The following ELP3 variants were observed in gnomAD, a reference collection of about 807,000 sequenced individuals.
The protein encoded by ELP3 is elongator acetyltransferase complex subunit 3, also known as elongator complex protein 3.
ELP3 carries 56 observed loss-of-function variants against 74.9 expected under a neutral mutation model. The ratio of observed to expected loss-of-function variants is 0.75; its 90% CI spans 0.60 to 0.93. ELP3 has a LOEUF of 0.93. Ranked by LOEUF, ELP3 falls within the 40% of genes least tolerant of loss-of-function variation. The pLI, the probability that ELP3 is intolerant of heterozygous loss-of-function variation, is 0.00. For missense variants in ELP3, 573 were observed against 686.5 expected (o/e 0.83, Z 1.85); for synonymous variants, 222 against 239.8 (o/e 0.93, Z 0.68).
At chr8:28,129,279 C>T (rs1467597857) in intron 7 of ELP3, 2 of 525,592 alleles carry the variant, frequency 3.8e-6, no homozygotes, top group Non-Finnish European at 6.9e-6. Flanking sequence ...GTGTATTATC[C>T]TCATTTTGCA....
At chr8:28,113,281 A>C in intron 7 of ELP3, 108 bp downstream of exon 7, 8 of 747,706 alleles carry the variant, frequency 1.1e-5, no homozygotes, top group Non-Finnish European at 1.6e-5. Flanking sequence ...CTTACTTCTC[A>C]TAATCTTTCT....
intron 7 of ELP3, among the ~76,000 whole-genome samples, chr8:28,117,771 G>A (rs986831449): frequency 1.3e-5 from 2 of 152,004 alleles, no homozygotes; most frequent in African/African-American, 4.8e-5. Context: ...TTGTTGCTTT[G>A]TTAAGGTAAA....
Position 28,170,548 on chromosome 8 carries a change from C to T in ELP3, c.1567+8470C>T, listed in dbSNP as rs535673939. On this transcript the variant is annotated intron_variant, in intron 14 of 14. Transcript: ENST00000256398. ...TATTTTATACCTGATGCTTTAGGTG[C>T]GCGTGCTGGCCATTTATCTTTTTCT... 3.4e-4 allele frequency among the ~76,000 whole-genome samples: 51 copies of T among 152,204 alleles called. No individual in the cohort carries two copies. In the South Asian group the frequency reaches 3.9e-3, roughly 12 times the overall value.
rs78066055 is a variant in ELP3 at position 28,121,054 on chromosome 8, G to A, written c.617+7881G>A. On this transcript the variant is annotated intron_variant, in intron 7 of 14. Transcript: ENST00000256398. ...TCTATGTAAAATTTAGAATCAGCTG[G>A]CCAATGCTCTATTAAAAAGTATAAT... Among the ~76,000 whole-genome samples, 860 of 152,202 alleles carry A rather than the reference G, an allele frequency of 5.7e-3. 7 individuals are homozygous for A. Among genetic ancestry groups the A allele is most frequent in the African/African-American group, 0.02 (833 of 41,538 alleles).
At chr8:28,130,751 T>A (rs537913709) in intron 8 of ELP3, among the ~76,000 whole-genome samples, 2 of 152,266 alleles carry the variant, frequency 1.3e-5, no homozygotes, top group South Asian at 4.1e-4. Flanking sequence ...GTTGGTCAGG[T>A]GCAGAAGAGG....
At chr8:28,160,509 AAG>A in intron 13 of ELP3, 53 bp downstream of exon 13, 1 of 1,503,554 alleles carries the variant, frequency 6.7e-7, no homozygotes, top group Non-Finnish European at 9.1e-7. Context: ...TAAGTAGGAA[AAG>A]AGAAAAGGAA....
At chr8:28,111,187 G>A (rs970427463) in intron 6 of ELP3, among the ~76,000 whole-genome samples, 5 of 152,188 alleles carry the variant, frequency 3.3e-5, no homozygotes, top group African/African-American at 1.2e-4. Flanking sequence ...GGTCATGGTG[G>A]TGGTTACATA....
intron 10 of ELP3, among the ~76,000 whole-genome samples, chr8:28,139,339 AAGG>A (rs778497180): frequency 4.3e-4 from 66 of 152,294 alleles, no homozygotes; most frequent in Non-Finnish European, 5.3e-4. Context: ...AAAGTTGAAA[AAGG>A]AGAAAATTAG....
chr8:28,120,227 A>G (rs777532104), intron 7 of ELP3, among the ~76,000 whole-genome samples: 12 of 152,242 alleles, frequency 7.9e-5, no homozygotes, highest in African/African-American at 1.2e-4. Flanking sequence ...TGGTTGTACC[A>G]CATCTTCACC....
intron 5 of ELP3, 87 bp downstream of exon 5, chr8:28,108,063 T>TTTTTTG: frequency 8.3e-7 from 1 of 1,208,626 alleles, no homozygotes; most frequent in Non-Finnish European, 1.2e-6. Context: ...TTTCTGACAA[T>TTTTTTG]TTTTTGTTTT....
chr8:28,102,541 T>C (rs762784495), intron 3 of ELP3, among the ~76,000 whole-genome samples: 1 of 152,236 alleles, frequency 6.6e-6, no homozygotes, highest in Non-Finnish European at 1.5e-5. Flanking sequence ...CCATTCCCTA[T>C]CTACTGCCAT....
intron 14 of ELP3, among the ~76,000 whole-genome samples, chr8:28,177,807 C>T (rs1174729298): frequency 6.6e-6 from 1 of 152,186 alleles, no homozygotes. Context: ...CAAGGTTTTT[C>T]TTAAGGAATT....
chr8:28,156,227 T>C (rs1366645529), intron 11 of ELP3, among the ~76,000 whole-genome samples, 195 bp downstream of exon 11: 2 of 152,200 alleles, frequency 1.3e-5, no homozygotes, highest in African/African-American at 4.8e-5. Flanking sequence ...TTTTCCTTCA[T>C]TCCCTTCTGC....
intron 10 of ELP3, among the ~76,000 whole-genome samples, chr8:28,153,476 A>G (rs1210828425): frequency 5.3e-5 from 8 of 152,232 alleles, no homozygotes; most frequent in African/African-American, 1.9e-4. Flanking sequence ...AAGAGCAAGC[A>G]TGAAGTTGTG....
intron 6 of ELP3, 36 bp downstream of exon 6, chr8:28,110,474 G>T (rs534271607): frequency 6.6e-7 from 1 of 1,511,204 alleles, no homozygotes; most frequent in South Asian, 1.2e-5. Flanking sequence ...TAAAAATTAG[G>T]TGTTTATACT....
Position 28,132,328 on chromosome 8 carries a change from C to G in ELP3, c.830C>G (p.Ser277Cys). 1.2e-6 allele frequency: 2 copies of G among 1,614,080 alleles called. No individual in the cohort carries two copies. Among genetic ancestry groups the G allele is most frequent in the Non-Finnish European group, 8.5e-7 (1 of 1,179,988 alleles). The change falls in exon 9 of 15, where the codon TCC (serine) becomes TGC (cysteine). Residue 277 changes from serine (S) to cysteine (C), a missense_variant. Ser to Cys is a moderately radical substitution (Grantham distance 112). Transcript: ENST00000256398. Reference sequence around the variant, plus strand: ...GAGTCATTTCACCTGGCCAAAGATTCCGGTTTTAAAGTGGTGGCCCATATG... The same window carrying G: ...GAGTCATTTCACCTGGCCAAAGATTGCGGTTTTAAAGTGGTGGCCCATATG... ...VCESFHLAKD[S>C]GFKVVAHMMP... is the part of the protein sequence containing the mutation.
At chr8:28,105,348 C>T (rs1190476744) in intron 3 of ELP3, among the ~76,000 whole-genome samples, 1 of 152,186 alleles carries the variant, frequency 6.6e-6, no homozygotes, top group Non-Finnish European at 1.5e-5. Context: ...CAAGATCACG[C>T]CATTGCACTC....
chr8:28,090,272 T>C (rs983534174), upstream of ELP3: 1 of 400,382 alleles, frequency 2.5e-6, no homozygotes, highest in African/African-American at 2.1e-5. Flanking sequence ...CAAGGAGGAG[T>C]GGCCAACTCT....
chr8:28,173,075 G>T (rs1215758228), intron 14 of ELP3, among the ~76,000 whole-genome samples: 2 of 151,904 alleles, frequency 1.3e-5, no homozygotes, highest in Non-Finnish European at 2.9e-5. Flanking sequence ...TTCTTAAGGG[G>T]ATGATGGTCT....
Sources: allele counts gnomAD v4.1 joint callset (sites outside exome capture counted in the v4.1 genomes callset), GRCh38; gene constraint gnomAD v4.1.1; transcripts MANE v1.5; gene names NCBI Gene and HGNC (gene_info 2026-07-23, HGNC 2026-07-21).